The following RPL13A variants were observed in gnomAD, a reference collection of about 807,000 sequenced individuals.
RPL13A encodes the protein ribosomal protein L13a.
Under a neutral mutation model 30.8 loss-of-function variants are expected in RPL13A, and 4 were observed. That is an observed-to-expected ratio of 0.13 (90% CI 0.06 to 0.30). The LOEUF is 0.30. Among genes scored for constraint, RPL13A ranks in the 10% least tolerant of loss-of-function variants. The pLI is 1.00. For synonymous variants in RPL13A, 108 were observed against 104.2 expected (o/e 1.04, Z -0.22); for missense variants, 196 against 272.6 (o/e 0.72, Z 1.98).
rs1064257 is a variant in RPL13A at position 49,490,278 on chromosome 19, C to G, written c.135C>G (p.Gly45=). The G allele has an allele frequency of 0.046, 74,537 of 1,613,886 alleles. 1,984 individuals are homozygous for G. Among genetic ancestry groups the G allele is most frequent in the Middle Eastern group, 0.055 (334 of 6,050 alleles). Reference sequence around the variant, plus strand: ...GCTGTGAAGGCATCAACATTTCTGGCAATTTCTACAGAAACAAGTGTAAGT... The same window carrying G: ...GCTGTGAAGGCATCAACATTTCTGGGAATTTCTACAGAAACAAGTGTAAGT... ...VVRCEGINIS[G]NFYRNKLKYL... is the part of the protein sequence containing the mutation. Residue 45 remains glycine (G), a synonymous_variant, in exon 3 of 8, where the codon GGC becomes GGG. Transcript: ENST00000391857.
intron 6 of RPL13A, 23 bp from the exon 7 acceptor site, chr19:49,491,402 A>ACCTCCCCCCC: frequency 8.5e-6 from 2 of 236,632 alleles, no homozygotes; most frequent in Non-Finnish European, 1.6e-5. Context: ...TCATTTGTTC[A>ACCTCCCCCCC]CCCCCCCCCC....
chr19:49,489,959 C>G lies in RPL13A; in HGVS notation c.88+37C>G, dbSNP rs1601161472. 2.7e-6 allele frequency: 4 copies of G among 1,509,104 alleles called. No individual in the cohort carries two copies. In the East Asian group the frequency reaches 9.0e-5, roughly 34 times the overall value. 93.5% of individuals were successfully genotyped at this position (1,509,104 alleles called of 1,614,324 possible). On this transcript the variant is annotated intron_variant, in intron 2 of 7. Coordinates refer to ENST00000391857, the MANE Select transcript of RPL13A (RefSeq NM_012423.4). ...CTCGTGGCCCCTCTGTCATGGGCCC[C>G]CGCTGGAGGTCAGTGATGAGCAACA...
chr19:49,490,908 G>T, intron 5 of RPL13A, 44 bp downstream of exon 5: 1 of 1,610,020 alleles, frequency 6.2e-7, no homozygotes, highest in Non-Finnish European at 8.5e-7. Context: ...TACCTGTGGC[G>T]TCCATGATGT....
chr19:49,490,000 T>C (rs2079848803), intron 2 of RPL13A, 78 bp downstream of exon 2: 2 of 1,246,444 alleles, frequency 1.6e-6, no homozygotes. Context: ...CATCTTTCGT[T>C]TGAGTCTCAC....
intron 1 of RPL13A, among the ~76,000 whole-genome samples, chr19:49,488,881 T>G (rs187540473): frequency 6.6e-6 from 1 of 152,300 alleles, no homozygotes; most frequent in Admixed American, 6.5e-5. Flanking sequence ...AATTTTTGTG[T>G]TTTTAGTAGA....
chr19:49,489,831 T>A lies in RPL13A; in HGVS notation c.16-19T>A. 1.3e-6 allele frequency: 2 copies of A among 1,553,378 alleles called. No individual in the cohort carries two copies. The highest frequency in any genetic ancestry group is 1.9e-5 in the African/African-American group (1 of 52,592). ...AGGCTGTCCTTGTCTCTGAGTCCTT[T>A]TGCCCTTGTCTCCCACAGGTCCTGG... On this transcript the variant is annotated intron_variant, in intron 1 of 7. Coordinates refer to ENST00000391857, the MANE Select transcript of RPL13A (RefSeq NM_012423.4).
chr19:49,488,638 C>T (rs1039930236), intron 1 of RPL13A, among the ~76,000 whole-genome samples: 1 of 152,234 alleles, frequency 6.6e-6, no homozygotes, highest in East Asian at 1.9e-4. Flanking sequence ...TTTGTACCAA[C>T]GCTTACAAAG....
chr19:49,490,363 A>G (rs561919404), intron 3 of RPL13A, 66 bp downstream of exon 3: 1 of 1,594,610 alleles, frequency 6.3e-7, no homozygotes, highest in Admixed American at 1.7e-5. Flanking sequence ...CTCTGAAAGC[A>G]ATTGCAGCCG....
chr19:49,491,710 C>G lies in RPL13A; in HGVS notation c.526-19C>G. 1 of 1,611,230 alleles carries G rather than the reference C, an allele frequency of 6.2e-7. No homozygotes were observed. Among genetic ancestry groups the G allele is most frequent in the African/African-American group, 1.3e-5 (1 of 75,014 alleles). On this transcript the variant is annotated intron_variant, in intron 7 of 7. Transcript: ENST00000391857. ...TGCAACCCCTCCTGACCACCACCAC[C>G]TGCACTTATTCTTGGCAGAGGCTAC...
In RPL13A at chr19:49,492,046, T is replaced by G; in HGVS notation, c.*231T>G. ...TATGACCAATAGGAAGAGCAACCAG[T>G]TACTATGAGTGAAAGGGAGCCAGAA... is the stretch of plus-strand genomic sequence containing the variant. On this transcript the variant is annotated 3_prime_UTR_variant, in exon 8 of 8. Transcript: ENST00000391857. The G allele has an allele frequency of 2.0e-6, 1 of 501,968 alleles. No individual in the cohort carries two copies. The highest frequency in any genetic ancestry group is 3.3e-5 in the Admixed American group (1 of 30,112). The allele number at this position is 501,968 out of a possible 1,614,324, so 31.1% of individuals were successfully genotyped here.
At chr19:49,490,649 C>A in intron 4 of RPL13A, 73 bp downstream of exon 4, 1 of 1,576,626 alleles carries the variant, frequency 6.3e-7, no homozygotes, top group African/African-American at 1.3e-5. Flanking sequence ...CACTCACATT[C>A]GAGTTTCCCG....
rs765201731 is a variant in RPL13A at position 49,490,870 on chromosome 19, C to T, written c.342+6C>T. ...TCCCACCGCCCTACGACAAGGTGAG[C>T]TATGCCAAACCCCACAGGCAGCGGC... On this transcript the variant is annotated splice_donor_region_variant and intron_variant, in intron 5 of 7. Transcript: ENST00000391857. 6.2e-7 allele frequency: 1 copy of T among 1,614,132 alleles called. No individual in the cohort carries two copies. The highest frequency in any genetic ancestry group is 1.1e-5 in the South Asian group (1 of 91,090).
chr19:49,491,225 T>C (rs748464830), intron 6 of RPL13A, 126 bp downstream of exon 6: 19 of 1,281,566 alleles, frequency 1.5e-5, no homozygotes, highest in Non-Finnish European at 1.8e-5. Flanking sequence ...CCTGTGGGAA[T>C]GGCGACAATG....
At chr19:49,487,685 GGGATCCAGGCCGGAAT>G in intron 1 of RPL13A, 41 bp downstream of exon 1, 1 of 1,500,356 alleles carries the variant, frequency 6.7e-7, no homozygotes, top group Middle Eastern at 1.8e-4. Context: ...GGGGCCGGGT[GGGATCCAGGCCGGAAT>G]GGGGTCGCAC....
At chr19:49,489,980 CA>C in intron 2 of RPL13A, 58 bp downstream of exon 2, 1 of 1,317,998 alleles carries the variant, frequency 7.6e-7, no homozygotes. Context: ...CAGTGATGAG[CA>C]ACATTCACCA....
intron 6 of RPL13A, 160 bp from the exon 7 acceptor site, chr19:49,491,265 G>T: frequency 8.6e-7 from 1 of 1,163,260 alleles, no homozygotes; most frequent in South Asian, 1.2e-5. Context: ...CAGGAGGCTT[G>T]GGTGGGTGCT....
Position 49,491,741 on chromosome 19 carries a change from C to G in RPL13A, c.538C>G (p.Gln180Glu). 1 of 1,613,526 alleles carries G rather than the reference C, an allele frequency of 6.2e-7. No homozygotes were observed. The highest frequency in any genetic ancestry group is 8.5e-7 in the Non-Finnish European group (1 of 1,179,822). ...KKKQLMRLRK[Q>E]AEKNVEKKID... The stretch of plus-strand genomic sequence containing the variant: ...TTATTCTTGGCAGAGGCTACGGAAA[C>G]AGGCCGAGAAGAACGTGGAGAAGAA... The change falls in exon 8 of 8, where the codon CAG becomes GAG. Residue 180 changes from glutamine (Q) to glutamate (E), a missense_variant. Coordinates refer to ENST00000391857, the MANE Select transcript of RPL13A (RefSeq NM_012423.4).
intron 1 of RPL13A, 149 bp from the exon 2 acceptor site, chr19:49,489,701 G>T (rs1211085695): frequency 2.7e-5 from 19 of 698,420 alleles, no homozygotes; most frequent in Non-Finnish European, 4.7e-5. Flanking sequence ...CTCATCTGTA[G>T]AACGGGGCTC....
intron 6 of RPL13A, 36 bp from the exon 7 acceptor site, chr19:49,491,387 CAA>C: frequency 1.9e-6 from 2 of 1,034,110 alleles, no homozygotes; most frequent in East Asian, 3.0e-5. Context: ...GATATCCTTA[CAA>C]CTTCATTTGT....
Sources: gnomAD v4.1 joint callset for allele counts (sites outside exome capture counted in the v4.1 genomes callset) on GRCh38, gnomAD v4.1.1 for gene constraint, MANE v1.5 for transcripts, NCBI Gene and HGNC (gene_info 2026-07-23, HGNC 2026-07-21) for gene names.